The following PYCR2 variants were observed in gnomAD, a reference collection of about 807,000 sequenced individuals.
PYCR2 encodes P5C reductase 2.
Under a neutral mutation model 23.4 loss-of-function variants are expected in PYCR2, and 17 were observed. The observed-to-expected ratio is 0.73, with a 90% CI of 0.50 to 1.09. The LOEUF (loss-of-function observed/expected upper bound fraction) is 1.09, where lower values mean the gene tolerates loss of function less well. Ranked by LOEUF, PYCR2 falls within the 50% of genes least tolerant of loss-of-function variation. The probability of loss-of-function intolerance (pLI) is 0.00; values close to 1 mark genes in which losing one functional copy is unlikely to be tolerated. For synonymous variants in PYCR2, 172 were observed against 176.6 expected (o/e 0.97, Z 0.21); for missense variants, 380 against 423.5 (o/e 0.90, Z 0.90).
Position 225,921,753 on chromosome 1 carries a change from C to G in PYCR2, c.540+105G>C. ...CCAAGGGTCAGCATCCTGTACCAGC[C>G]AGCTGTGCCCAAGAGGTGGGCGCCA... On this transcript the variant is annotated intron_variant, in intron 4 of 6. Coordinates refer to ENST00000343818, the MANE Select transcript of PYCR2 (RefSeq NM_013328.4). The surrounding 1 kb of genome is among the most constrained non-coding windows in gnomAD (Gnocchi z 4.2). The G allele has an allele frequency of 1.9e-6, 3 of 1,578,054 alleles. No individual in the cohort carries two copies. The highest frequency in any genetic ancestry group is 2.6e-6 in the Non-Finnish European group (3 of 1,151,292).
At position 225,921,923 on chromosome 1, in the gene PYCR2, A is replaced by G. The variant is rs752525725; in HGVS notation, c.475T>C (p.Cys159Arg). The G allele has an allele frequency of 3.1e-6, 5 of 1,613,976 alleles. No homozygotes were observed. The highest frequency in any genetic ancestry group is 4.2e-6 in the Non-Finnish European group (5 of 1,180,036). ...LEQLMSSVGF[C>R]TEVEEDLIDA... ...ATGAGGTCCTCTTCCACCTCAGTGCAGAAGCCCACGCTGCTCATGAGCTGC... is the reference window on the plus strand; with the variant it reads ...ATGAGGTCCTCTTCCACCTCAGTGCGGAAGCCCACGCTGCTCATGAGCTGC... The change falls in exon 4 of 7, where the codon TGC becomes CGC. Residue 159 changes from cysteine (C) to arginine (R), a missense_variant. By Grantham distance (180) the Cys-to-Arg change is radical. Transcript: ENST00000343818. The surrounding 1 kb of genome is among the most constrained non-coding windows in gnomAD (Gnocchi z 4.2).
In PYCR2 at chr1:225,922,199, G is replaced by A; in HGVS notation, c.318+5C>T. 6.2e-7 allele frequency: 1 copy of A among 1,612,122 alleles called. No homozygotes were observed. Among genetic ancestry groups the A allele is most frequent in the Non-Finnish European group, 8.5e-7 (1 of 1,178,402 alleles). On this transcript the variant is annotated splice_donor_5th_base_variant and intron_variant, in intron 3 of 6. Transcript: ENST00000343818. The stretch of plus-strand genomic sequence containing the variant: ...CACAAGGGGCATCAGGGCTGAGATG[G>A]GCACCTTCTCCACAGAGCTGATGGT...
At position 225,921,834 on chromosome 1, in the gene PYCR2, T is replaced by C; in HGVS notation, c.540+24A>G. On this transcript the variant is annotated intron_variant, in intron 4 of 6. Coordinates refer to ENST00000343818, the MANE Select transcript of PYCR2 (RefSeq NM_013328.4). This position sits in a 1 kb window ranked among gnomAD's most constrained non-coding sequence, Gnocchi z 4.2. ...CTTGCTGCCTGGGTTCCTAGAAGGCTGAGCGAGCAAATGAGGGCCTCACAT... is the reference window on the plus strand; with the variant it reads ...CTTGCTGCCTGGGTTCCTAGAAGGCCGAGCGAGCAAATGAGGGCCTCACAT... 6.2e-7 allele frequency: 1 copy of C among 1,612,594 alleles called. No individual in the cohort carries two copies. Among genetic ancestry groups the C allele is most frequent in the Non-Finnish European group, 8.5e-7 (1 of 1,179,688 alleles).
chr1:225,922,678 G>A (rs116173737), intron 2 of PYCR2: 355 of 405,870 alleles, frequency 8.7e-4, no homozygotes, highest in African/African-American at 6.4e-3. Flanking sequence ...CAGGTAAGAA[G>A]GCCCTATGGT....
chr1:225,922,601 C>T (rs1671873196), intron 2 of PYCR2: 1 of 544,006 alleles, frequency 1.8e-6, no homozygotes, highest in South Asian at 2.7e-5. Flanking sequence ...CAAGCTTCTC[C>T]ATGGTAACCA....
In PYCR2 at chr1:225,922,360, G is replaced by A. The variant is rs1671866181; in HGVS notation, c.162C>T (p.Arg54=). Residue 54 remains arginine (R), a synonymous_variant, in exon 3 of 7, where the codon CGC becomes CGT. Transcript: ENST00000343818. ...TGTGCTTCACCGTCTCCTTGTTGCT[G>A]CGTGTCAGGTTCACACCCATCTTCT... ...ALRKMGVNLT[R]SNKETVKHSD... is the part of the protein sequence containing the mutation. 1 of 1,613,674 alleles carries A rather than the reference G, an allele frequency of 6.2e-7. No homozygotes were observed. The highest frequency in any genetic ancestry group is 1.7e-5 in the Admixed American group (1 of 59,994).
chr1:225,923,791 T>C lies in PYCR2; in HGVS notation c.68-20A>G. 1 of 1,614,030 alleles carries C rather than the reference T, an allele frequency of 6.2e-7. No individual in the cohort carries two copies. Among genetic ancestry groups the C allele is most frequent in the Non-Finnish European group, 8.5e-7 (1 of 1,180,000 alleles). ...GGATGCCTGCAGAAGACAGAGCTTT[T>C]CAACTAGGGGTCGCGGCCCAGCCCG... On this transcript the variant is annotated intron_variant, in intron 1 of 6. Coordinates refer to ENST00000343818, the MANE Select transcript of PYCR2 (RefSeq NM_013328.4).
intron 2 of PYCR2, chr1:225,923,400 T>C: frequency 1.8e-6 from 2 of 1,136,118 alleles, no homozygotes; most frequent in Non-Finnish European, 2.2e-6. Context: ...TGAAAAAAAA[T>C]TTAAAAAATG....
chr1:225,921,565 G>A lies in PYCR2; in HGVS notation c.620C>T (p.Ala207Val), dbSNP rs1671839863. 1 of 1,614,164 alleles carries A rather than the reference G, an allele frequency of 6.2e-7. No homozygotes were observed. The highest frequency in any genetic ancestry group is 1.7e-5 in the Admixed American group (1 of 60,020). ...LPRRLAIQLG[A>V]QALLGAAKML... ...AAAGATACTGACCAGCAAAGCCTGG[G>A]CCCCGAGTTGGATTGCCAGGCGCCG... The change falls in exon 5 of 7, where the codon GCC (alanine) becomes GTC (valine). Residue 207 changes from alanine (A) to valine (V), a missense_variant. By Grantham distance (64) the Ala-to-Val change is moderately conservative. Coordinates refer to ENST00000343818, the MANE Select transcript of PYCR2 (RefSeq NM_013328.4). The surrounding 1 kb of genome is among the most constrained non-coding windows in gnomAD (Gnocchi z 4.2).
chr1:225,922,734 G>A, intron 2 of PYCR2: 1 of 274,626 alleles, frequency 3.6e-6, no homozygotes, highest in Non-Finnish European at 7.1e-6. Context: ...GTCGTTAAAA[G>A]CACAGCTGAG....
At chr1:225,923,557 G>GA in intron 2 of PYCR2, 144 bp downstream of exon 2, 1 of 1,502,876 alleles carries the variant, frequency 6.7e-7, no homozygotes, top group Non-Finnish European at 8.9e-7. Context: ...AGAGAAGGTG[G>GA]AAAGATTGTC....
chr1:225,922,955 G>T, intron 2 of PYCR2: 2 of 937,482 alleles, frequency 2.1e-6, no homozygotes, highest in South Asian at 9.8e-5. Flanking sequence ...CAGGTTTTGG[G>T]TGAAGACTTG....
chr1:225,921,146 C>T lies in PYCR2; in HGVS notation c.797+62G>A, dbSNP rs979807392. 2 of 1,504,556 alleles carry T rather than the reference C, an allele frequency of 1.3e-6. No individual in the cohort carries two copies. The highest frequency in any genetic ancestry group is 2.8e-5 in the African/African-American group (2 of 71,928). The allele number at this position is 1,504,556 out of a possible 1,614,324, so 93.2% of individuals were successfully genotyped here. A position where few individuals can be genotyped will look rare whatever the true frequency, so the allele number is the denominator to read the frequency against. Reference sequence around the variant, plus strand: ...AGCAGGTTCCGCAAATGGTGCTCAACCCAGCCCAGGGACCAACCAGGACTG... The same window carrying T: ...AGCAGGTTCCGCAAATGGTGCTCAATCCAGCCCAGGGACCAACCAGGACTG... On this transcript the variant is annotated intron_variant, in intron 6 of 6. Coordinates refer to ENST00000343818, the MANE Select transcript of PYCR2 (RefSeq NM_013328.4). This position sits in a 1 kb window ranked among gnomAD's most constrained non-coding sequence, Gnocchi z 4.2.
intron 2 of PYCR2, chr1:225,922,867 G>A: frequency 2.2e-6 from 1 of 460,322 alleles, no homozygotes; most frequent in Non-Finnish European, 2.9e-6. Context: ...GGACCCTCCA[G>A]TGCTAGGGAC....
intron 2 of PYCR2, chr1:225,922,996 C>T: frequency 1.0e-6 from 1 of 976,780 alleles, no homozygotes; most frequent in Non-Finnish European, 1.2e-6. Context: ...GAACAACTAA[C>T]TCACCAGATT....
chr1:225,924,122 C>T lies in PYCR2; in HGVS notation c.-12G>A, dbSNP rs751703227. The stretch of plus-strand genomic sequence containing the variant: ...AAGCCCACGCTCATGGTCCGCGGTT[C>T]ACGCCTCCTGGGAGCCGCACGAACC... On this transcript the variant is annotated 5_prime_UTR_variant, in exon 1 of 7. Coordinates refer to ENST00000343818, the MANE Select transcript of PYCR2 (RefSeq NM_013328.4). The T allele has an allele frequency of 7.1e-6, 11 of 1,540,850 alleles. No individual in the cohort carries two copies. In the African/African-American group the frequency reaches 1.2e-4, roughly 17 times the overall value.
chr1:225,923,717 G>A lies in PYCR2; in HGVS notation c.122C>T (p.Thr41Met). The change falls in exon 2 of 7, where the codon ACG becomes ATG. Residue 41 changes from threonine to methionine, a missense_variant. By Grantham distance (81) the Thr-to-Met change is moderately conservative. Coordinates refer to ENST00000343818, the MANE Select transcript of PYCR2 (RefSeq NM_013328.4). ...TCCACCTACCCTGAGCGCGGACACC[G>A]TGGGCAGGTTCATTTCTGGGGAGCT... The part of the protein sequence containing the change: ...IASSPEMNLP[T>M]VSALRKMGVN... 1.2e-6 allele frequency: 2 copies of A among 1,614,100 alleles called. No individual in the cohort carries two copies. The highest frequency in any genetic ancestry group is 1.7e-6 in the Non-Finnish European group (2 of 1,180,002).
intron 2 of PYCR2, chr1:225,922,973 T>TC: frequency 1.0e-6 from 1 of 959,744 alleles, no homozygotes; most frequent in Non-Finnish European, 1.2e-6. Flanking sequence ...TTGGAATATG[T>TC]TTTTGGAGAA....
At chr1:225,923,942 C>A in intron 1 of PYCR2, 102 bp downstream of exon 1, 1 of 1,490,992 alleles carries the variant, frequency 6.7e-7, no homozygotes. Flanking sequence ...ATCTACCCCA[C>A]CGGACGCAAA....
Sources: allele counts gnomAD v4.1 joint callset, GRCh38; gene constraint gnomAD v4.1.1; non-coding constraint Gnocchi (gnomAD v3.1); transcripts MANE v1.5; gene names NCBI Gene and HGNC (gene_info 2026-07-23, HGNC 2026-07-21).